Variants in MYO3B observed in about 807,000 individuals in gnomAD.
The protein encoded by MYO3B is myosin IIIB.
MYO3B carries 156 observed loss-of-function variants against 174.6 expected under a neutral mutation model. The ratio of observed to expected loss-of-function variants is 0.89; its 90% CI spans 0.78 to 1.02. The LOEUF is 1.02. Among genes scored for constraint, MYO3B ranks in the 50% least tolerant of loss-of-function variants. The pLI, the probability that MYO3B is intolerant of heterozygous loss-of-function variation, is 0.00. For missense variants in MYO3B, 1,632 were observed against 1,639.4 expected (o/e 1.00, Z 0.08); for synonymous variants, 563 against 569.1 (o/e 0.99, Z 0.15).
At chr2:170,614,247 C>T (rs1047033063) in intron 32 of MYO3B, among the ~76,000 whole-genome samples, 5 of 152,138 alleles carry the variant, frequency 3.3e-5, no homozygotes, top group Admixed American at 6.5e-5. Context: ...GATAATAATT[C>T]TCACCTTGTA....
chr2:170,498,626 C>T lies in MYO3B; in HGVS notation c.3049C>T (p.Pro1017Ser). ...CTTGGCATTCACAGCACATCAAACACCTCTTGCTAGCAAAGAGAGCTGTGT... is the reference window on the plus strand; with the variant it reads ...CTTGGCATTCACAGCACATCAAACATCTCTTGCTAGCAAAGAGAGCTGTGT... ...YYLAFTAHQT[P>S]LASKESCVAI... Residue 1017 changes from proline (P) to serine (S), a missense_variant, in exon 26 of 35, where the codon CCT (proline) becomes TCT (serine). Physicochemically the swap from Pro to Ser is moderately conservative, Grantham distance 74 (BLOSUM62 -1). Coordinates refer to ENST00000408978, the MANE Select transcript of MYO3B (RefSeq NM_138995.5). 1 of 1,614,076 alleles carries T rather than the reference C, an allele frequency of 6.2e-7. No homozygotes were observed. Among genetic ancestry groups the T allele is most frequent in the Admixed American group, 1.7e-5 (1 of 60,018 alleles).
At chr2:170,634,311 C>T (rs1343409640) in intron 32 of MYO3B, among the ~76,000 whole-genome samples, 1 of 152,114 alleles carries the variant, frequency 6.6e-6, no homozygotes. Flanking sequence ...AGAAATAACA[C>T]CACACATCTA....
chr2:170,537,396 C>T (rs1281072315), intron 30 of MYO3B, among the ~76,000 whole-genome samples: 1 of 141,960 alleles, frequency 7.0e-6, no homozygotes, highest in East Asian at 2.1e-4. Context: ...AGTGGTTTTA[C>T]TGCTGCTTCT....
At chr2:170,296,282 A>G (rs2093628335) in intron 7 of MYO3B, among the ~76,000 whole-genome samples, 1 of 152,218 alleles carries the variant, frequency 6.6e-6, no homozygotes, top group South Asian at 2.1e-4. Context: ...TAATGGAGAC[A>G]AGAAGCTTAT....
At chr2:170,560,482 T>C (rs976567251) in intron 32 of MYO3B, among the ~76,000 whole-genome samples, 3 of 152,232 alleles carry the variant, frequency 2.0e-5, no homozygotes, top group Non-Finnish European at 4.4e-5. Context: ...TCTGACCTAA[T>C]ATACGTGAAG....
At chr2:170,478,482 T>A (rs540354189) in intron 25 of MYO3B, among the ~76,000 whole-genome samples, 3 of 151,494 alleles carry the variant, frequency 2.0e-5, no homozygotes, top group African/African-American at 4.9e-5. Flanking sequence ...GGGAATTTTC[T>A]AATTCCGTGG....
chr2:170,305,743 A>G (rs2093696781), intron 7 of MYO3B, among the ~76,000 whole-genome samples: 2 of 152,094 alleles, frequency 1.3e-5, no homozygotes, highest in Non-Finnish European at 2.9e-5. Context: ...ACAAATAAAT[A>G]ATAAATAAAT....
chr2:170,565,352 T>C (rs1056668537), intron 32 of MYO3B, among the ~76,000 whole-genome samples: 2 of 152,298 alleles, frequency 1.3e-5, no homozygotes, highest in Admixed American at 1.3e-4. Flanking sequence ...TTTGTGAAGT[T>C]TGTACTGAAA....
At chr2:170,496,921 C>T (rs1686886839) in intron 25 of MYO3B, among the ~76,000 whole-genome samples, 1 of 152,034 alleles carries the variant, frequency 6.6e-6, no homozygotes, top group African/African-American at 2.4e-5. Context: ...AGCCACTATG[C>T]CTGGTGCCTC....
intron 21 of MYO3B, 37 bp downstream of exon 21, chr2:170,405,670 G>A (rs2105808804): frequency 6.3e-7 from 1 of 1,579,948 alleles, no homozygotes. Flanking sequence ...CCTGAATTTG[G>A]CAAAGGGTAA....
intron 32 of MYO3B, among the ~76,000 whole-genome samples, chr2:170,589,610 G>T (rs993275392): frequency 3.9e-5 from 6 of 152,104 alleles, no homozygotes; most frequent in African/African-American, 1.2e-4. Flanking sequence ...AAGATATAAA[G>T]AAAATGTTTT....
chr2:170,394,036 A>G (rs1403991231), intron 16 of MYO3B, among the ~76,000 whole-genome samples: 7 of 152,228 alleles, frequency 4.6e-5, no homozygotes, highest in East Asian at 1.9e-4. Context: ...ACGCAGGGGC[A>G]CATGTCCTTA....
At chr2:170,365,444 T>C (rs2094191388) in intron 8 of MYO3B, among the ~76,000 whole-genome samples, 1 of 152,224 alleles carries the variant, frequency 6.6e-6, no homozygotes, top group Admixed American at 6.5e-5. Flanking sequence ...AGCTTTTAAT[T>C]AATTTATGTA....
Position 170,525,692 on chromosome 2 carries a change from C to A in MYO3B, c.3575+6152C>A, listed in dbSNP as rs80328326. On this transcript the variant is annotated intron_variant, in intron 30 of 34. Transcript: ENST00000408978. ...GCACCTCACAAGGGGAAAACAAGTG[C>A]ATATTTCTCCTGTGTGTCATCCTTG... 1.3e-3 allele frequency among the ~76,000 whole-genome samples: 196 copies of A among 152,304 alleles called. 2 individuals carry two copies. The highest frequency in any genetic ancestry group is 4.6e-3 in the African/African-American group (190 of 41,580).
At chr2:170,568,123 A>G (rs1692192940) in intron 32 of MYO3B, among the ~76,000 whole-genome samples, 1 of 152,142 alleles carries the variant, frequency 6.6e-6, no homozygotes, top group Non-Finnish European at 1.5e-5. Context: ...AAATATTATT[A>G]TTTTCTATGT....
chr2:170,420,691 C>T (rs2094608968), intron 22 of MYO3B, among the ~76,000 whole-genome samples: 1 of 152,192 alleles, frequency 6.6e-6, no homozygotes, highest in African/African-American at 2.4e-5. Context: ...CTGCACAGTC[C>T]TGTCTCATGT....
chr2:170,380,037 G>A (rs941031230), intron 9 of MYO3B, among the ~76,000 whole-genome samples: 1 of 152,226 alleles, frequency 6.6e-6, no homozygotes, highest in Non-Finnish European at 1.5e-5. Flanking sequence ...AAAGGGTGGG[G>A]TGTACATCAA....
chr2:170,574,763 A>G (rs1692682178), intron 32 of MYO3B, among the ~76,000 whole-genome samples: 1 of 152,194 alleles, frequency 6.6e-6, no homozygotes. Flanking sequence ...ACAGTTAACA[A>G]AGTGCTTTCA....
At chr2:170,344,912 A>G (rs1470771420) in intron 8 of MYO3B, 2 of 152,372 alleles carry the variant, frequency 1.3e-5, no homozygotes, top group South Asian at 2.1e-4. Flanking sequence ...GATCCCTCTG[A>G]ACCCCAGGGC....
Sources: allele counts gnomAD v4.1 joint callset (sites outside exome capture counted in the v4.1 genomes callset), GRCh38; gene constraint gnomAD v4.1.1; transcripts MANE v1.5; gene names NCBI Gene and HGNC (gene_info 2026-07-23, HGNC 2026-07-21).